The following IFT25 variants were observed in gnomAD, a reference collection of about 807,000 sequenced individuals.
IFT25 encodes intraflagellar transport protein 25 homolog.
chr1:53,940,786 T>C, the IFT25 span, among the ~76,000 whole-genome samples: 3 of 152,066 alleles, frequency 2.0e-5, no homozygotes, highest in African/African-American at 7.2e-5. Context: ...CATGGCTCAC[T>C]GCAGCCCTGA....
At chr1:53,935,984 G>T in the IFT25 span, among the ~76,000 whole-genome samples, 1 of 152,072 alleles carries the variant, frequency 6.6e-6, no homozygotes, top group South Asian at 2.1e-4. Flanking sequence ...TAACTAGGCC[G>T]GGCGCGGTGG....
the IFT25 span, among the ~76,000 whole-genome samples, chr1:53,912,234 C>T: frequency 2.0e-5 from 3 of 152,202 alleles, no homozygotes; most frequent in Non-Finnish European, 2.9e-5. Flanking sequence ...ACAGAAATCT[C>T]CCCATTTTCA....
the IFT25 span, among the ~76,000 whole-genome samples, chr1:53,914,555 G>C: frequency 1.3e-5 from 2 of 151,992 alleles, no homozygotes; most frequent in Non-Finnish European, 1.5e-5. Flanking sequence ...CTGCGTAGTA[G>C]TTTCCAGTTT....
At chr1:53,939,996 AT>A in the IFT25 span, 3 of 1,589,470 alleles carry the variant, frequency 1.9e-6, no homozygotes, top group Non-Finnish European at 2.6e-6. Context: ...CATCAATGAT[AT>A]TTTCAGGTGG....
the IFT25 span, among the ~76,000 whole-genome samples, chr1:53,915,006 T>C: frequency 6.6e-6 from 1 of 152,276 alleles, no homozygotes; most frequent in African/African-American, 2.4e-5. Context: ...GTTTAAACTT[T>C]ATGCAAGGCG....
chr1:53,917,805 C>A, the IFT25 span, among the ~76,000 whole-genome samples: 1 of 151,130 alleles, frequency 6.6e-6, no homozygotes, highest in Admixed American at 6.6e-5. Context: ...CCAGCCTGGG[C>A]AACAAGAGAG....
the IFT25 span, chr1:53,929,462 A>G: frequency 6.6e-6 from 1 of 152,346 alleles, no homozygotes; most frequent in Middle Eastern, 3.4e-3. Context: ...CATTTGAACC[A>G]TCTGGGATGT....
chr1:53,931,354 CTG>C, the IFT25 span, among the ~76,000 whole-genome samples: 4 of 152,200 alleles, frequency 2.6e-5, no homozygotes, highest in African/African-American at 4.8e-5. Flanking sequence ...TTATAAGAAA[CTG>C]TCAGCTTTCC....
At chr1:53,931,993 G>A in the IFT25 span, among the ~76,000 whole-genome samples, 7 of 151,766 alleles carry the variant, frequency 4.6e-5, no homozygotes, top group Admixed American at 3.9e-4. Context: ...ACTTTCCCTT[G>A]AGACACTGCT....
At chr1:53,921,771 T>C in the IFT25 span, 7 of 1,586,746 alleles carry the variant, frequency 4.4e-6, no homozygotes, top group South Asian at 5.5e-5. Context: ...CATGTGCCTG[T>C]ATGGGAAAAA....
the IFT25 span, among the ~76,000 whole-genome samples, chr1:53,926,933 T>C: frequency 6.6e-6 from 1 of 152,042 alleles, no homozygotes; most frequent in South Asian, 2.1e-4. Context: ...CCATGTTTCC[T>C]AGGCCAGTCT....
the IFT25 span, chr1:53,917,069 G>A: frequency 7.2e-3 from 1,443 of 200,502 alleles, 22 homozygotes; most frequent in African/African-American, 0.031. Context: ...GCTTGAACCC[G>A]GGAGACGGAG....
At chr1:53,936,597 C>G in the IFT25 span, among the ~76,000 whole-genome samples, 1,363 of 152,182 alleles carry the variant, frequency 9.0e-3, 23 homozygotes, top group African/African-American at 0.031. Context: ...ATTCTGAGGT[C>G]AGCAGGAAAG....
At chr1:53,932,276 A>G in the IFT25 span, among the ~76,000 whole-genome samples, 1 of 151,744 alleles carries the variant, frequency 6.6e-6, no homozygotes, top group South Asian at 2.1e-4. Context: ...AGAAGTTGCC[A>G]TGAGCTGAGA....
At chr1:53,933,429 C>T in the IFT25 span, among the ~76,000 whole-genome samples, 30,989 of 152,114 alleles carry the variant, frequency 0.2, 4,497 homozygotes, top group African/African-American at 0.42. Context: ...CCACCGCACC[C>T]AGCTATCCTC....
chr1:53,944,590 G>A, the IFT25 span, among the ~76,000 whole-genome samples: 6 of 152,210 alleles, frequency 3.9e-5, no homozygotes, highest in Non-Finnish European at 8.8e-5. Context: ...GGCTCAGTGA[G>A]GCGAGACCGC....
chr1:53,935,851 T>C, the IFT25 span, among the ~76,000 whole-genome samples: 1 of 152,170 alleles, frequency 6.6e-6, no homozygotes, highest in South Asian at 2.1e-4. Context: ...ATATTTATAT[T>C]ATTTTAAATT....
chr1:53,934,002 T>A, the IFT25 span, among the ~76,000 whole-genome samples: 1 of 152,174 alleles, frequency 6.6e-6, no homozygotes, highest in Non-Finnish European at 1.5e-5. Flanking sequence ...ATATATCCCA[T>A]AATACAGTTT....
the IFT25 span, among the ~76,000 whole-genome samples, chr1:53,912,755 A>T: frequency 6.6e-6 from 1 of 152,234 alleles, no homozygotes; most frequent in South Asian, 2.1e-4. Context: ...GTTGCTAGCC[A>T]TAGGCCAGTG....
Sources: gnomAD v4.1 joint callset for allele counts (sites outside exome capture counted in the v4.1 genomes callset) on GRCh38, gnomAD v4.1.1 for gene constraint, MANE v1.5 for transcripts, NCBI Gene and HGNC (gene_info 2026-07-23, HGNC 2026-07-21) for gene names.